The following FGF13 variants were observed in gnomAD, a reference collection of about 807,000 sequenced individuals.
The protein encoded by FGF13 is fibroblast growth factor 13.
Under a neutral mutation model 19.5 loss-of-function variants are expected in FGF13, and 2 were observed. The ratio of observed to expected loss-of-function variants is 0.10; its 90% CI spans 0.04 to 0.32. The LOEUF (loss-of-function observed/expected upper bound fraction) is 0.32, where lower values mean the gene tolerates loss of function less well. Ranked by LOEUF, FGF13 falls within the 10% of genes least tolerant of loss-of-function variation. The pLI, the probability that FGF13 is intolerant of heterozygous loss-of-function variation, is 1.00. For synonymous variants in FGF13, 72 were observed against 76.9 expected, an observed-to-expected ratio of 0.94 and a Z score of 0.33; for missense variants, 113 against 192.7, an observed-to-expected ratio of 0.59 and a Z score of 2.45.
chrX:138,756,113 C>T (rs2090429964), intron 3 of FGF13, among the ~76,000 whole-genome samples: 1 of 112,475 alleles, frequency 8.9e-6, no homozygotes, highest in African/African-American at 3.2e-5. Context: ...TGAACTTGGA[C>T]TTCTAGCCTC....
At chrX:138,689,121 C>G (rs2089814274) in intron 3 of FGF13, among the ~76,000 whole-genome samples, 2 of 111,631 alleles carry the variant, frequency 1.8e-5, no homozygotes, top group Admixed American at 1.9e-4. Flanking sequence ...TACTAAAAAC[C>G]TTGTGGAAGA....
intron 3 of FGF13, among the ~76,000 whole-genome samples, chrX:138,650,704 T>A (rs1342083450): frequency 2.7e-5 from 3 of 111,945 alleles, no homozygotes; most frequent in Non-Finnish European, 5.6e-5. Context: ...AATGATCATA[T>A]CAGGATAATT....
chrX:138,899,989 G>A (rs886103974), intron 1 of FGF13, among the ~76,000 whole-genome samples: 1 of 110,915 alleles, frequency 9.0e-6, no homozygotes, highest in African/African-American at 3.3e-5. Context: ...TATGCCCTGG[G>A]TTTATTCTCA....
downstream of FGF13, among the ~76,000 whole-genome samples, chrX:138,856,404 T>G (rs764026127): frequency 3.8e-4 from 42 of 111,691 alleles, no homozygotes; most frequent in African/African-American, 1.2e-3. Context: ...TAGAGTGCAT[T>G]TGGAGAAATT....
At chrX:139,152,816 C>T (rs776411037) in intron 1 of FGF13, among the ~76,000 whole-genome samples, 1 of 110,926 alleles carries the variant, frequency 9.0e-6, no homozygotes, top group East Asian at 2.9e-4. Context: ...CAAAGCCTTC[C>T]CTTTGTCAGG....
At chrX:138,885,648 A>G (rs975831064) in intron 1 of FGF13, among the ~76,000 whole-genome samples, 2 of 106,164 alleles carry the variant, frequency 1.9e-5, no homozygotes, top group African/African-American at 6.9e-5. Flanking sequence ...ATCCTCCCTT[A>G]ACTCCTTTAG....
At chrX:138,910,310 G>A (rs1223322978) in intron 1 of FGF13, among the ~76,000 whole-genome samples, 2 of 110,925 alleles carry the variant, frequency 1.8e-5, no homozygotes, top group Non-Finnish European at 3.8e-5. Context: ...GGCAAGATGT[G>A]CCATATGAAA....
intron 3 of FGF13, among the ~76,000 whole-genome samples, chrX:138,796,890 C>T (rs2090783110): frequency 9.0e-6 from 1 of 111,422 alleles, no homozygotes; most frequent in Non-Finnish European, 1.9e-5. Flanking sequence ...TACGTTGCCC[C>T]CTTTATGATG....
intron 3 of FGF13, among the ~76,000 whole-genome samples, chrX:138,643,371 AGATG>A (rs1308519859): frequency 1.8e-5 from 2 of 112,637 alleles, no homozygotes; most frequent in African/African-American, 3.2e-5. Context: ...CCAGAGGCTA[AGATG>A]GGTTATTTTT....
At chrX:139,037,969 C>T (rs2092256165) in intron 1 of FGF13, among the ~76,000 whole-genome samples, 1 of 111,537 alleles carries the variant, frequency 9.0e-6, no homozygotes, top group Non-Finnish European at 1.9e-5. Context: ...TCTCTACAGG[C>T]TACATCAAAC....
chrX:139,178,971 A>C (rs770525716), intron 1 of FGF13, among the ~76,000 whole-genome samples: 16 of 112,197 alleles, frequency 1.4e-4, no homozygotes, highest in Non-Finnish European at 2.8e-4. Flanking sequence ...AAAGGAAAGA[A>C]GGAAAGAGAA....
chrX:138,811,454 G>A (rs1048070727), intron 3 of FGF13, among the ~76,000 whole-genome samples: 1 of 110,240 alleles, frequency 9.1e-6, no homozygotes, highest in Non-Finnish European at 1.9e-5. Flanking sequence ...GTGGGGTGGG[G>A]GGAGTGTGGA....
At chrX:138,699,008 T>G (rs1301842634) in intron 3 of FGF13, among the ~76,000 whole-genome samples, 1 of 111,769 alleles carries the variant, frequency 8.9e-6, no homozygotes, top group South Asian at 3.8e-4. Context: ...TCCTGTTTAT[T>G]AAACTGTTTC....
rs747618972 is a variant in FGF13, at chrX:138,670,060, C to CA, written c.402+32923dup. 1.7e-4 allele frequency among the ~76,000 whole-genome samples: 19 copies of CA among 111,385 alleles called. 1 individual carries two copies. The highest frequency in any genetic ancestry group is 6.2e-4 in the African/African-American group (19 of 30,778). On this transcript the variant is annotated intron_variant, in intron 3 of 4. Coordinates refer to ENST00000315930, the MANE Select transcript of FGF13 (RefSeq NM_004114.5). ...TTTTTATTGTCAGCATCAAATTTAA[C>CA]AAAAAAACGTCAAGAATATCAGATT...
intron 1 of FGF13, among the ~76,000 whole-genome samples, chrX:139,041,347 C>A (rs1385722149): frequency 9.0e-6 from 1 of 110,753 alleles, no homozygotes; most frequent in Non-Finnish European, 1.9e-5. Flanking sequence ...ATAGAATGAG[C>A]AGATCCATTT....
At chrX:139,062,018 G>A (rs1345115121) in intron 1 of FGF13, among the ~76,000 whole-genome samples, 1 of 111,027 alleles carries the variant, frequency 9.0e-6, no homozygotes, top group African/African-American at 3.3e-5. Context: ...TATATAGTTT[G>A]TCTCTTCACC....
chrX:139,106,910 G>A (rs1230055098), intron 1 of FGF13, among the ~76,000 whole-genome samples: 1 of 112,169 alleles, frequency 8.9e-6, no homozygotes, highest in Admixed American at 9.4e-5. Flanking sequence ...ATCTCTGTAA[G>A]GCCACTATTA....
chrX:138,729,687 A>C (rs187985729), intron 1 of FGF13, among the ~76,000 whole-genome samples: 2 of 109,598 alleles, frequency 1.8e-5, no homozygotes, highest in Non-Finnish European at 3.8e-5. Context: ...TAAGCCTAAT[A>C]AAACAAACAA....
intron 3 of FGF13, among the ~76,000 whole-genome samples, chrX:138,748,039 C>A (rs1032433991): frequency 4.5e-5 from 5 of 111,369 alleles, no homozygotes; most frequent in Non-Finnish European, 9.4e-5. Context: ...CAAAGGTTCT[C>A]TGGGACTTCC....
Sources: allele counts gnomAD v4.1 joint callset (sites outside exome capture counted in the v4.1 genomes callset), GRCh38; gene constraint gnomAD v4.1.1; transcripts MANE v1.5; gene names NCBI Gene and HGNC (gene_info 2026-07-23, HGNC 2026-07-21).